BRINP1: variants seen among roughly 807,000 people sequenced by gnomAD.
BRINP1 encodes the protein BMP/retinoic acid-inducible neural-specific protein 1.
In BRINP1, 17 loss-of-function variants were observed where a neutral mutation model predicts 72.9. The ratio of observed to expected loss-of-function variants is 0.23; its 90% CI spans 0.16 to 0.35. The LOEUF is 0.35. Among genes scored for constraint, BRINP1 ranks in the 10% least tolerant of loss-of-function variants. The pLI is 1.00. For missense variants in BRINP1, 850 were observed against 1,001.6 expected (o/e 0.85, Z 2.04); for synonymous variants, 418 against 378.5 (o/e 1.10, Z -1.21).
In BRINP1 at chr9:119,208,947, G is replaced by T. The variant is rs1312335159; in HGVS notation, c.923-6C>A. 6.2e-7 allele frequency: 1 copy of T among 1,609,510 alleles called. No individual in the cohort carries two copies. The highest frequency in any genetic ancestry group is 1.7e-5 in the Admixed American group (1 of 60,002). On this transcript the variant is annotated splice_region_variant and splice_polypyrimidine_tract_variant and intron_variant, in intron 6 of 7. Coordinates refer to ENST00000265922, the MANE Select transcript of BRINP1 (RefSeq NM_014618.3). ...CATAAATGATTTAAACTCATCTAGT[G>T]AGAGACAAAGGCCGAGAGAGAAGGG...
chr9:119,222,834 T>C (rs867141729), intron 5 of BRINP1, among the ~76,000 whole-genome samples: 2 of 152,114 alleles, frequency 1.3e-5, no homozygotes, highest in Non-Finnish European at 2.9e-5. Context: ...CAGCATACTT[T>C]TTTTTTCAAT....
At chr9:119,298,296 C>T (rs1830902169) in intron 2 of BRINP1, among the ~76,000 whole-genome samples, 1 of 152,162 alleles carries the variant, frequency 6.6e-6, no homozygotes, top group Non-Finnish European at 1.5e-5. Context: ...AGCACATTTA[C>T]TTTCAGTTCC....
At chr9:119,181,829 C>T (rs1216123246) in intron 7 of BRINP1, among the ~76,000 whole-genome samples, 1 of 152,172 alleles carries the variant, frequency 6.6e-6, no homozygotes, top group Non-Finnish European at 1.5e-5. Flanking sequence ...AGCTCTGCTA[C>T]TCATTATTTA....
chr9:119,336,871 C>G (rs1473935527), intron 1 of BRINP1, among the ~76,000 whole-genome samples: 1 of 152,074 alleles, frequency 6.6e-6, no homozygotes, highest in East Asian at 1.9e-4. Flanking sequence ...GGATAGCTCC[C>G]TTTTAGATGA....
intron 5 of BRINP1, among the ~76,000 whole-genome samples, chr9:119,230,399 G>C (rs905728969): frequency 1.3e-5 from 2 of 152,050 alleles, no homozygotes; most frequent in Admixed American, 6.6e-5. Context: ...TGAGTCAACG[G>C]ATCAGCAGGA....
chr9:119,252,553 C>CGTGTGT (rs149734478), intron 2 of BRINP1, among the ~76,000 whole-genome samples: 1 of 145,628 alleles, frequency 6.9e-6, no homozygotes, highest in East Asian at 2.0e-4. Context: ...TATAGTCATA[C>CGTGTGT]GTGTGTGTGT....
In BRINP1 at chr9:119,167,165, G is replaced by A; in HGVS notation, c.2205C>T (p.Ile735=). Residue 735 remains isoleucine (I), a synonymous_variant, in exon 8 of 8, where the codon ATC becomes ATT. Coordinates refer to ENST00000265922, the MANE Select transcript of BRINP1 (RefSeq NM_014618.3). The surrounding 1 kb of genome is among the most constrained non-coding windows in gnomAD (Gnocchi z 4.3). ...KHRLKLTNSE[I]IRVNHALDLY... The stretch of plus-strand genomic sequence containing the variant: ...GGTCCAAGGCGTGGTTCACCCTGAT[G>A]ATCTCGCTGTTGGTCAGTTTCAGGC... 1.2e-6 allele frequency: 2 copies of A among 1,614,160 alleles called. No individual in the cohort carries two copies. The highest frequency in any genetic ancestry group is 1.7e-6 in the Non-Finnish European group (2 of 1,180,034).
intron 5 of BRINP1, among the ~76,000 whole-genome samples, chr9:119,237,595 C>T (rs1435628938): frequency 1.3e-5 from 2 of 151,906 alleles, no homozygotes; most frequent in Non-Finnish European, 1.5e-5. Context: ...ATCTCCTGAC[C>T]TCGTGATCCG....
At chr9:119,353,696 T>A (rs916920899) in intron 1 of BRINP1, among the ~76,000 whole-genome samples, 3 of 152,118 alleles carry the variant, frequency 2.0e-5, no homozygotes, top group African/African-American at 7.2e-5. Flanking sequence ...ATCCAATAAT[T>A]GAGGGCCTTC....
intron 7 of BRINP1, among the ~76,000 whole-genome samples, chr9:119,195,804 A>G (rs376779495): frequency 1.3e-5 from 2 of 152,340 alleles, no homozygotes; most frequent in East Asian, 3.9e-4. Flanking sequence ...GACGATCTCT[A>G]CTGACAAGAA....
chr9:119,286,908 C>T (rs918566315), intron 2 of BRINP1, among the ~76,000 whole-genome samples: 2 of 152,190 alleles, frequency 1.3e-5, no homozygotes, highest in Non-Finnish European at 2.9e-5. Context: ...GCTAGATAGA[C>T]TTTAAATGTT....
intron 1 of BRINP1, among the ~76,000 whole-genome samples, chr9:119,363,757 T>C (rs1831659057): frequency 6.6e-6 from 1 of 152,180 alleles, no homozygotes; most frequent in South Asian, 2.1e-4. Context: ...ATGAGCCACA[T>C]ATAGCTATGT....
intron 2 of BRINP1, among the ~76,000 whole-genome samples, chr9:119,277,812 A>G (rs1177338084): frequency 6.6e-6 from 1 of 152,200 alleles, no homozygotes; most frequent in Non-Finnish European, 1.5e-5. Context: ...TATGGCATCT[A>G]TGAAGAAGGA....
rs563757615 is a variant in BRINP1 at position 119,250,168 on chromosome 9, G to A, written c.219-1018C>T. Among the ~76,000 whole-genome samples the A allele has an allele frequency of 5.3e-5, 8 of 151,786 alleles. No homozygotes were observed. The South Asian group carries it at 1.7e-3, about 32-fold the overall frequency. Reference sequence around the variant, plus strand: ...AAGGAGGGAGGGAGGGTGAGAAGGAGGATATATAATAGTAGACAGGACCTA... The same window carrying A: ...AAGGAGGGAGGGAGGGTGAGAAGGAAGATATATAATAGTAGACAGGACCTA... On this transcript the variant is annotated intron_variant, in intron 2 of 7. Coordinates refer to ENST00000265922, the MANE Select transcript of BRINP1 (RefSeq NM_014618.3).
intron 1 of BRINP1, among the ~76,000 whole-genome samples, chr9:119,366,525 TG>T (rs1831694014): frequency 1.3e-5 from 2 of 148,258 alleles, no homozygotes; most frequent in Non-Finnish European, 3.0e-5. Flanking sequence ...TGTGTGTGTG[TG>T]TGTGTGTGTG....
At chr9:119,169,702 C>T (rs910621820) in intron 7 of BRINP1, among the ~76,000 whole-genome samples, 62 of 152,330 alleles carry the variant, frequency 4.1e-4, no homozygotes, top group African/African-American at 1.4e-3. Flanking sequence ...AAAAAGACAG[C>T]AGTAACCTCT....
intron 1 of BRINP1, among the ~76,000 whole-genome samples, chr9:119,359,571 T>A (rs1215396030): frequency 6.6e-6 from 1 of 152,190 alleles, no homozygotes; most frequent in Non-Finnish European, 1.5e-5. Flanking sequence ...AGGTAATGTG[T>A]TCCACATCAA....
chr9:119,192,743 T>C (rs1422153052), intron 7 of BRINP1, among the ~76,000 whole-genome samples: 1 of 152,132 alleles, frequency 6.6e-6, no homozygotes, highest in Non-Finnish European at 1.5e-5. Flanking sequence ...ATCCCTCTTC[T>C]GGGTATATTC....
At chr9:119,349,481 A>C (rs144804832) in intron 1 of BRINP1, among the ~76,000 whole-genome samples, 2,919 of 152,308 alleles carry the variant, frequency 0.019, 40 homozygotes, top group South Asian at 0.038. Context: ...CAGCAGATGG[A>C]GCAGAAACCG....
Sources: gnomAD v4.1 joint callset for allele counts (sites outside exome capture counted in the v4.1 genomes callset) on GRCh38, gnomAD v4.1.1 for gene constraint, Gnocchi (gnomAD v3.1) non-coding constraint, MANE v1.5 for transcripts, NCBI Gene and HGNC (gene_info 2026-07-23, HGNC 2026-07-21) for gene names.